UIMC1: variants seen among roughly 807,000 people sequenced by gnomAD.
The protein encoded by UIMC1 is ubiquitin interaction motif containing 1.
Under a neutral mutation model 84.9 loss-of-function variants are expected in UIMC1, and 42 were observed. The ratio of observed to expected loss-of-function variants is 0.49; its 90% confidence interval spans 0.39 to 0.64. UIMC1 has a LOEUF of 0.64. Ranked by LOEUF, UIMC1 falls within the 30% of genes least tolerant of loss-of-function variation. The pLI is 0.00. For missense variants in UIMC1, 825 were observed against 847.6 expected, an observed-to-expected ratio of 0.97 and a Z score of 0.33; for synonymous variants, 281 against 293.0, an observed-to-expected ratio of 0.96 and a Z score of 0.42.
At chr5:177,005,543 T>C (rs748722676) in intron 1 of UIMC1, among the ~76,000 whole-genome samples, 6 of 151,670 alleles carry the variant, frequency 4.0e-5, no homozygotes, top group Admixed American at 1.3e-4. Context: ...CCAAACACTT[T>C]AGTATCTAGT....
At chr5:176,984,560 GC>G in intron 1 of UIMC1, among the ~76,000 whole-genome samples, 1 of 151,864 alleles carries the variant, frequency 6.6e-6, no homozygotes, top group East Asian at 1.9e-4. Context: ...CTGCCCGGCC[GC>G]CCCATCTGGG....
chr5:176,964,464 A>G (rs1767993906), intron 6 of UIMC1, among the ~76,000 whole-genome samples: 1 of 152,216 alleles, frequency 6.6e-6, no homozygotes, highest in Non-Finnish European at 1.5e-5. Flanking sequence ...ATGGCTCATG[A>G]CTAAGTACAC....
intron 1 of UIMC1, among the ~76,000 whole-genome samples, chr5:176,986,448 AGCTTGAGTGT>A (rs1202705478): frequency 3.5e-5 from 5 of 143,448 alleles, no homozygotes; most frequent in African/African-American, 1.3e-4. Context: ...GCAGGAGGAT[AGCTTGAGTGT>A]GTTTGAGACT....
At chr5:176,954,883 T>C (rs1766400995) in intron 8 of UIMC1, among the ~76,000 whole-genome samples, 1 of 152,120 alleles carries the variant, frequency 6.6e-6, no homozygotes, top group South Asian at 2.1e-4. Context: ...TTTGAGTCTC[T>C]GTGGAAAAAC....
At chr5:176,990,050 G>A (rs1303158473) in intron 1 of UIMC1, among the ~76,000 whole-genome samples, 13 of 152,110 alleles carry the variant, frequency 8.5e-5, no homozygotes, top group East Asian at 1.9e-4. Flanking sequence ...GCGTGGTGGC[G>A]GGAGCCTGTA....
upstream of UIMC1, among the ~76,000 whole-genome samples, chr5:177,007,619 T>C (rs547667011): frequency 4.6e-5 from 7 of 152,290 alleles, no homozygotes; most frequent in South Asian, 1.4e-3. Context: ...CACTGTGAAA[T>C]GATTTATATA....
chr5:176,956,038 G>A lies in UIMC1; in HGVS notation c.1263-3C>T. The A allele has an allele frequency of 6.2e-7, 1 of 1,612,506 alleles. No individual in the cohort carries two copies. The highest frequency in any genetic ancestry group is 8.5e-7 in the Non-Finnish European group (1 of 1,179,322). ...TCTTACTGGTCAAAGCAGCAACACT[G>A]AAAGAGAACCAAATCCCAAATGAAT... On this transcript the variant is annotated splice_polypyrimidine_tract_variant and splice_region_variant and intron_variant, in intron 7 of 14. Coordinates refer to ENST00000511320, the MANE Select transcript of UIMC1 (RefSeq NM_001199298.2).
At chr5:176,966,833 A>C (rs1035459386) in intron 6 of UIMC1, among the ~76,000 whole-genome samples, 12 of 151,626 alleles carry the variant, frequency 7.9e-5, no homozygotes, top group African/African-American at 2.7e-4. Context: ...TCTCTACTAT[A>C]TAAAGTGTAT....
chr5:176,958,296 G>A (rs1766871051), intron 6 of UIMC1, 142 bp from the exon 7 acceptor site: 1 of 608,434 alleles, frequency 1.6e-6, no homozygotes, highest in African/African-American at 1.8e-5. Flanking sequence ...GCCAGTAAGT[G>A]TCAATAAAAC....
chr5:176,986,880 GATGAC>G (rs72270074), intron 1 of UIMC1, among the ~76,000 whole-genome samples: 1,810 of 152,258 alleles, frequency 0.012, 15 homozygotes, highest in Middle Eastern at 0.02. Context: ...ACGATTTGCA[GATGAC>G]ATGACCTGTG....
chr5:176,942,001 G>A (rs1205755689), intron 10 of UIMC1, among the ~76,000 whole-genome samples: 5 of 152,046 alleles, frequency 3.3e-5, no homozygotes, highest in Non-Finnish European at 7.4e-5. Flanking sequence ...CCGGCACCAC[G>A]CCTGGTTAAT....
In UIMC1 at chr5:176,987,382, A is replaced by T. The variant is rs896972035; in HGVS notation, c.-8-4759T>A. On this transcript the variant is annotated intron_variant, in intron 1 of 14. Transcript: ENST00000511320. ...TATTTCTGGCTGGGCACAGTGGCTC[A>T]TGTTTATAATCCCAGCACTTTAGGA... 2.0e-5 allele frequency among the ~76,000 whole-genome samples: 3 copies of T among 152,116 alleles called. No homozygotes were observed. In the South Asian group the frequency reaches 6.2e-4, roughly 32 times the overall value.
At chr5:176,944,299 C>T (rs1025674360) in intron 9 of UIMC1, among the ~76,000 whole-genome samples, 1 of 152,194 alleles carries the variant, frequency 6.6e-6, no homozygotes, top group African/African-American at 2.4e-5. Context: ...TCAATTCTGC[C>T]AAAGCCACTC....
At position 176,955,955 on chromosome 5, in the gene UIMC1, T is replaced by G. The variant is rs561596222; in HGVS notation, c.1339+4A>C. 6.2e-7 allele frequency: 1 copy of G among 1,613,242 alleles called. No homozygotes were observed. Among genetic ancestry groups the G allele is most frequent in the South Asian group, 1.1e-5 (1 of 90,928 alleles). On this transcript the variant is annotated splice_donor_region_variant and intron_variant, in intron 8 of 14. Coordinates refer to ENST00000511320, the MANE Select transcript of UIMC1 (RefSeq NM_001199298.2). ...ATTCAGTAAAATCACAGTGGGGTAC[T>G]TACCAGGACAAACAGTGATTTCTTC...
At chr5:176,930,340 C>CA (rs1581420797) in intron 10 of UIMC1, among the ~76,000 whole-genome samples, 2 of 152,032 alleles carry the variant, frequency 1.3e-5, no homozygotes, top group East Asian at 1.9e-4. Context: ...CATACTTTTT[C>CA]AAAAAAATCT....
intron 1 of UIMC1, among the ~76,000 whole-genome samples, chr5:177,000,645 C>A (rs954844090): frequency 6.6e-6 from 1 of 151,788 alleles, no homozygotes; most frequent in African/African-American, 2.4e-5. Context: ...GGATTACAGG[C>A]ATGCACCACC....
intron 10 of UIMC1, among the ~76,000 whole-genome samples, chr5:176,918,857 T>C (rs1256458144): frequency 1.3e-5 from 2 of 152,190 alleles, no homozygotes; most frequent in Non-Finnish European, 2.9e-5. Context: ...TCCTACTTAT[T>C]AGGTGTCCCT....
At chr5:176,956,708 C>T (rs1044165864) in intron 7 of UIMC1, among the ~76,000 whole-genome samples, 1 of 151,754 alleles carries the variant, frequency 6.6e-6, no homozygotes, top group Non-Finnish European at 1.5e-5. Flanking sequence ...AGCTAGCCCC[C>T]TCATGCTTCA....
chr5:177,017,750 T>G (rs1375394173), intron 1 of UIMC1, among the ~76,000 whole-genome samples: 1 of 149,812 alleles, frequency 6.7e-6, no homozygotes, highest in Non-Finnish European at 1.5e-5. Flanking sequence ...CACTGCAGGC[T>G]CAAGTGATCC....
Sources: allele counts gnomAD v4.1 joint callset (sites outside exome capture counted in the v4.1 genomes callset), GRCh38; gene constraint gnomAD v4.1.1; transcripts MANE v1.5; gene names NCBI Gene and HGNC (gene_info 2026-07-23, HGNC 2026-07-21).